RIMBP2: variants seen among roughly 807,000 people sequenced by gnomAD.
RIMBP2 encodes the protein RIMS binding protein 2.
RIMBP2 carries 48 observed loss-of-function variants against 118.6 expected under a neutral mutation model. That is an observed-to-expected ratio of 0.40 (90% confidence interval 0.32 to 0.51). RIMBP2 has a LOEUF of 0.51. RIMBP2 is among the 20% of genes least tolerant of loss of function. The pLI is 0.41. For synonymous variants in RIMBP2, 762 were observed against 742.9 expected (o/e 1.03, Z -0.42); for missense variants, 1,551 against 1,768.3 (o/e 0.88, Z 2.20).
intron 4 of RIMBP2, among the ~76,000 whole-genome samples, chr12:130,501,440 T>C (rs1027480557): frequency 1.3e-5 from 2 of 152,040 alleles, no homozygotes; most frequent in African/African-American, 2.4e-5. Flanking sequence ...GAGATGGGGG[T>C]TGGACTCTGG....
chr12:130,502,298 C>G (rs2049873477), intron 4 of RIMBP2, among the ~76,000 whole-genome samples: 1 of 152,168 alleles, frequency 6.6e-6, no homozygotes, highest in African/African-American at 2.4e-5. Context: ...CCCCAGGCTT[C>G]GGGACGGTTT....
At position 130,424,928 on chromosome 12, in the gene RIMBP2, G is replaced by A. The variant is rs968086413; in HGVS notation, c.2413-70C>T. 1.4e-5 allele frequency: 13 copies of A among 961,692 alleles called. No homozygotes were observed. The highest frequency in any genetic ancestry group is 4.0e-6 in the Non-Finnish European group (3 of 741,548). 59.6% of individuals were successfully genotyped at this position (961,692 alleles called of 1,614,324 possible). On this transcript the variant is annotated intron_variant, in intron 15 of 22. Coordinates refer to ENST00000690449, the MANE Select transcript of RIMBP2 (RefSeq NM_001393629.1). This position sits in a 1 kb window ranked among gnomAD's most constrained non-coding sequence, Gnocchi z 9.8. ...GGTCAGCATGAAGTGGGGGCCAGGG[G>A]AGGAAAGAAAATACAGACAGAATTA...
Position 130,424,031 on chromosome 12 carries a change from G to T in RIMBP2, c.3129+111C>A. The T allele has an allele frequency of 1.9e-6, 1 of 532,816 alleles. No individual in the cohort carries two copies. Among genetic ancestry groups the T allele is most frequent in the Non-Finnish European group, 2.9e-6 (1 of 349,456 alleles). The allele number at this position is 532,816 out of a possible 1,614,324, so 33.0% of individuals were successfully genotyped here. A position where few individuals can be genotyped will look rare whatever the true frequency, so the allele number is the denominator to read the frequency against. On this transcript the variant is annotated intron_variant, in intron 16 of 22. Transcript: ENST00000690449. This position sits in a 1 kb window ranked among gnomAD's most constrained non-coding sequence, Gnocchi z 9.8. ...AAAAATGCAGGGAAAACGAAAGACA[G>T]CCAGCAAGAGAGTCCCCAGGGATGG...
intron 2 of RIMBP2, among the ~76,000 whole-genome samples, chr12:130,563,593 A>G (rs2056980641): frequency 6.6e-6 from 1 of 152,230 alleles, no homozygotes; most frequent in South Asian, 2.1e-4. Flanking sequence ...ACATCCTTTG[A>G]AGGGATAAAC....
At chr12:130,534,850 GGA>G (rs1279757425) in intron 2 of RIMBP2, among the ~76,000 whole-genome samples, 1 of 152,220 alleles carries the variant, frequency 6.6e-6, no homozygotes, top group Non-Finnish European at 1.5e-5. Flanking sequence ...GGCACAAAGA[GGA>G]GAGTGTCTAT....
At chr12:130,693,991 G>C (rs1399515057) in intron 1 of RIMBP2, among the ~76,000 whole-genome samples, 1 of 152,222 alleles carries the variant, frequency 6.6e-6, no homozygotes, top group Admixed American at 6.5e-5. Flanking sequence ...AGTGGAGCCT[G>C]CACACCAGGA....
intron 1 of RIMBP2, among the ~76,000 whole-genome samples, chr12:130,650,610 C>T (rs890603751): frequency 6.6e-5 from 10 of 152,194 alleles, no homozygotes; most frequent in African/African-American, 1.2e-4. Flanking sequence ...ATTTGAAATC[C>T]GCCGTGGAAG....
intron 14 of RIMBP2, chr12:130,429,417 C>T (rs1593263604): frequency 6.6e-6 from 1 of 152,294 alleles, no homozygotes; most frequent in African/African-American, 2.4e-5. Context: ...CAGCAGCAGC[C>T]GCTGGGTTTC....
chr12:130,407,578 A>G, intron 20 of RIMBP2, 148 bp downstream of exon 20: 1 of 747,410 alleles, frequency 1.3e-6, no homozygotes, highest in Admixed American at 1.8e-5. Flanking sequence ...TGTCTGTATC[A>G]GCCATCCCTC....
At chr12:130,705,612 C>T (rs911548543) in intron 1 of RIMBP2, among the ~76,000 whole-genome samples, 1 of 152,244 alleles carries the variant, frequency 6.6e-6, no homozygotes, top group Non-Finnish European at 1.5e-5. Flanking sequence ...TGTTTCTCTG[C>T]GGTTCTCACG....
chr12:130,451,636 G>A (rs1175860621), intron 7 of RIMBP2, among the ~76,000 whole-genome samples: 1 of 152,148 alleles, frequency 6.6e-6, no homozygotes, highest in African/African-American at 2.4e-5. Context: ...CAAACAGGCT[G>A]CTCCTTTCCT....
In RIMBP2 at chr12:130,424,858, C is replaced by A; in HGVS notation, c.2413G>T (p.Asp805Tyr). The change falls in exon 16 of 23, where the codon GAC (aspartate) becomes TAC (tyrosine). Residue 805 changes from aspartate to tyrosine, a missense_variant and splice_region_variant. Transcript: ENST00000690449. The surrounding 1 kb of genome is among the most constrained non-coding windows in gnomAD (Gnocchi z 9.8). ...TCCGAGGTCCTATGGTCAGTGCAGT[C>A]CTTACGGGGTGGTGTGTCAAGAACA... ...PSGTSHNALK[D>Y]CTDHRTSEGT... is the part of the protein sequence containing the mutation. 8.1e-7 allele frequency: 1 copy of A among 1,231,920 alleles called. No individual in the cohort carries two copies. Among genetic ancestry groups the A allele is most frequent in the South Asian group, 4.1e-5 (1 of 24,308 alleles). 76.3% of individuals were successfully genotyped at this position (1,231,920 alleles called of 1,614,324 possible). A position where few individuals can be genotyped will look rare whatever the true frequency, so the allele number is the denominator to read the frequency against.
chr12:130,433,362 C>T (rs2077279459), intron 14 of RIMBP2, among the ~76,000 whole-genome samples: 1 of 152,186 alleles, frequency 6.6e-6, no homozygotes, highest in East Asian at 1.9e-4. Flanking sequence ...GCGTGTGACT[C>T]CTCTCGGATG....
intron 2 of RIMBP2, among the ~76,000 whole-genome samples, chr12:130,544,759 C>G (rs912345044): frequency 1.5e-4 from 23 of 151,906 alleles, no homozygotes; most frequent in South Asian, 1.0e-3. Flanking sequence ...ACCACCACAC[C>G]CCGCTATTTT....
At chr12:130,505,915 G>A (rs932943003) in intron 4 of RIMBP2, among the ~76,000 whole-genome samples, 1 of 136,490 alleles carries the variant, frequency 7.3e-6, no homozygotes, top group African/African-American at 2.8e-5. Flanking sequence ...GCTACAGATG[G>A]AGGTAAAATC....
chr12:130,502,217 C>T (rs774034711), intron 4 of RIMBP2, among the ~76,000 whole-genome samples: 1 of 152,134 alleles, frequency 6.6e-6, no homozygotes, highest in Admixed American at 6.5e-5. Context: ...CAGTCCAGTC[C>T]GGTCAAGCTG....
chr12:130,546,869 C>T lies in RIMBP2; in HGVS notation c.-216-28952G>A, dbSNP rs117648889. ...TTTCTGACTTCTGTTAAGTTGGAAG[C>T]GCTGGCAACCCTGGCCTATTTCCCT... On this transcript the variant is annotated intron_variant, in intron 2 of 22. Transcript: ENST00000690449. 2.6e-4 allele frequency among the ~76,000 whole-genome samples: 40 copies of T among 152,264 alleles called. 1 individual carries two copies. In the South Asian group the frequency reaches 3.9e-3, roughly 15 times the overall value.
chr12:130,708,560 G>A (rs147876558), intron 1 of RIMBP2, among the ~76,000 whole-genome samples: 286 of 152,074 alleles, frequency 1.9e-3, no homozygotes, highest in African/African-American at 6.2e-3. Context: ...GGTGACACGC[G>A]CCTGCAGTCC....
intron 7 of RIMBP2, among the ~76,000 whole-genome samples, chr12:130,452,894 G>A (rs543655659): frequency 9.2e-5 from 14 of 152,258 alleles, no homozygotes; most frequent in African/African-American, 3.4e-4. Context: ...CAACTCTCTA[G>A]GGAAAAATAA....
Sources: allele counts gnomAD v4.1 joint callset (sites outside exome capture counted in the v4.1 genomes callset), GRCh38; gene constraint gnomAD v4.1.1; non-coding constraint Gnocchi (gnomAD v3.1); transcripts MANE v1.5; gene names NCBI Gene and HGNC (gene_info 2026-07-23, HGNC 2026-07-21).